The following PTPRN2 variants were observed in gnomAD, a reference collection of about 807,000 sequenced individuals.
PTPRN2 encodes the protein protein tyrosine phosphatase receptor type N2.
In PTPRN2, 74 loss-of-function variants were observed where a neutral mutation model predicts 118.8. The observed-to-expected ratio is 0.62, with a 90% CI of 0.52 to 0.76. The LOEUF is 0.76. PTPRN2 is among the 30% of genes least tolerant of loss of function. The pLI is 0.00. For synonymous variants in PTPRN2, 641 were observed against 608.0 expected, an observed-to-expected ratio of 1.05 and a Z score of -0.80; for missense variants, 1,481 against 1,394.4, an observed-to-expected ratio of 1.06 and a Z score of -0.99.
At chr7:157,588,720 C>A (rs972686003) in intron 17 of PTPRN2, among the ~76,000 whole-genome samples, 1 of 152,242 alleles carries the variant, frequency 6.6e-6, no homozygotes, top group Non-Finnish European at 1.5e-5. Context: ...GCCGAGGTCA[C>A]TGCTGCCGGA....
chr7:158,085,155 G>A (rs1468809163), intron 10 of PTPRN2, among the ~76,000 whole-genome samples: 4 of 83,868 alleles, frequency 4.8e-5, no homozygotes, highest in Non-Finnish European at 6.7e-5. Flanking sequence ...CCACACCCTC[G>A]ACGCCCATCC....
At chr7:158,452,698 G>C (rs1324963760) in intron 2 of PTPRN2, among the ~76,000 whole-genome samples, 2 of 152,224 alleles carry the variant, frequency 1.3e-5, no homozygotes, top group Non-Finnish European at 2.9e-5. Context: ...GGATGAGGAG[G>C]GAGACACAAA....
chr7:158,407,788 G>A (rs867147678), intron 2 of PTPRN2, among the ~76,000 whole-genome samples: 18 of 152,316 alleles, frequency 1.2e-4, no homozygotes, highest in Admixed American at 3.9e-4. Flanking sequence ...CCTGGAATCC[G>A]TCCTTGCCAC....
chr7:157,691,067 T>TC (rs1279163589), intron 12 of PTPRN2, among the ~76,000 whole-genome samples: 6,847 of 44,334 alleles, frequency 0.15, 1,586 homozygotes, highest in Non-Finnish European at 0.21. Flanking sequence ...TATAGCGATG[T>TC]CCCCCCCCCC....
chr7:158,340,905 G>A (rs1806623736), intron 2 of PTPRN2, among the ~76,000 whole-genome samples: 1 of 85,268 alleles, frequency 1.2e-5, no homozygotes, highest in African/African-American at 4.3e-5. Flanking sequence ...GACACCCGAA[G>A]TCAGTCACAC....
chr7:157,909,349 G>A (rs573246334), intron 11 of PTPRN2, among the ~76,000 whole-genome samples: 1 of 152,320 alleles, frequency 6.6e-6, no homozygotes, highest in Non-Finnish European at 1.5e-5. Flanking sequence ...CTGGCCTTGG[G>A]CCCCTCGACA....
intron 2 of PTPRN2, among the ~76,000 whole-genome samples, chr7:158,408,466 C>G (rs1031627640): frequency 7.2e-5 from 11 of 152,140 alleles, no homozygotes; most frequent in Non-Finnish European, 1.6e-4. Flanking sequence ...TGTGTATCAG[C>G]CCGGAGGTGG....
chr7:157,888,049 C>G (rs569024829), intron 12 of PTPRN2, among the ~76,000 whole-genome samples: 10 of 111,610 alleles, frequency 9.0e-5, no homozygotes, highest in African/African-American at 2.5e-4. Context: ...CTGAAACGCA[C>G]GCTGTCTTGG....
At chr7:158,547,405 C>T (rs958724968) in intron 1 of PTPRN2, among the ~76,000 whole-genome samples, 5 of 151,938 alleles carry the variant, frequency 3.3e-5, no homozygotes, top group East Asian at 1.9e-4. Flanking sequence ...CCCCAGCCCC[C>T]GGCAACACCA....
rs149044301 is a variant in PTPRN2 at position 158,432,629 on chromosome 7, T to C, written c.163+57106A>G. Among the ~76,000 whole-genome samples the C allele has an allele frequency of 1.5e-3, 228 of 152,318 alleles. 2 individuals carry two copies. Among genetic ancestry groups the C allele is most frequent in the Middle Eastern group, 6.8e-3 (2 of 294 alleles). On this transcript the variant is annotated intron_variant, in intron 2 of 22. Coordinates refer to ENST00000389418, the MANE Select transcript of PTPRN2 (RefSeq NM_002847.5). ...GCAAACAAACAACAGCTATTAGAAA[T>C]ATCACTTTACAAACTTTTTGTTGAG...
chr7:158,069,765 G>A (rs886682250), intron 11 of PTPRN2, among the ~76,000 whole-genome samples: 3 of 152,244 alleles, frequency 2.0e-5, no homozygotes, highest in African/African-American at 7.2e-5. Flanking sequence ...TTCGTGGGAT[G>A]CCCAGGCACG....
rs1379081683 is a variant in PTPRN2 at position 157,615,568 on chromosome 7, A to C, written c.2344+5794T>G. 1 of 471,126 alleles carries C rather than the reference A, an allele frequency of 2.1e-6. No individual in the cohort carries two copies. Among genetic ancestry groups the C allele is most frequent in the East Asian group, 6.9e-5 (1 of 14,408 alleles). 29.2% of individuals were successfully genotyped at this position (471,126 alleles called of 1,614,324 possible). On this transcript the variant is annotated intron_variant, in intron 15 of 22. Transcript: ENST00000389418. The surrounding 1 kb of genome is among the most constrained non-coding windows in gnomAD (Gnocchi z 4.3). ...TGGAAACAATCTCAGCCCTGGAACC[A>C]GCGCCTGGGAAGTCCCGCGGTGGAT...
chr7:157,970,636 ACC>A (rs10624378), intron 11 of PTPRN2, among the ~76,000 whole-genome samples: 2 of 111,538 alleles, frequency 1.8e-5, no homozygotes, highest in African/African-American at 3.5e-5. Flanking sequence ...CTCAGAGCGG[ACC>A]CCCCCCCCCA....
At position 158,133,612 on chromosome 7, in the gene PTPRN2, A is replaced by T. The variant is rs1008980875; in HGVS notation, c.1556+65T>A. On this transcript the variant is annotated intron_variant, in intron 9 of 22. Transcript: ENST00000389418. ...ATCCGCCACAGCAAGGAGGCGCCCC[A>T]CCTCCAGCCTGCTGGGACAAGCCCT... 73 of 1,501,232 alleles carry T rather than the reference A, an allele frequency of 4.9e-5. No individual in the cohort carries two copies. In the Admixed American group the frequency reaches 1.5e-3, roughly 32 times the overall value. The allele number at this position is 1,501,232 out of a possible 1,614,324, so 93.0% of individuals were successfully genotyped here.
chr7:158,146,482 G>A (rs528706919), intron 6 of PTPRN2, among the ~76,000 whole-genome samples: 1 of 152,172 alleles, frequency 6.6e-6, no homozygotes, highest in Non-Finnish European at 1.5e-5. Context: ...AGCACTTTGG[G>A]ACGCTGAGGC....
chr7:158,117,983 T>C (rs950392912), intron 9 of PTPRN2, among the ~76,000 whole-genome samples: 6 of 152,080 alleles, frequency 3.9e-5, no homozygotes, highest in African/African-American at 1.4e-4. Context: ...ATATAAAAAA[T>C]TAAAATCTCA....
At chr7:157,628,421 C>T (rs1164099561) in intron 14 of PTPRN2, among the ~76,000 whole-genome samples, 1 of 152,174 alleles carries the variant, frequency 6.6e-6, no homozygotes. Context: ...CACCCTGTCA[C>T]TCGCAGAGAT....
At position 157,861,315 on chromosome 7, in the gene PTPRN2, T is replaced by C. The variant is rs1810221417; in HGVS notation, c.1788+37358A>G. ...TCCGTGGGAGGATGAGAGGCCTGGA[T>C]TGCACCGGAAGCACCTCCGGCTGGA... On this transcript the variant is annotated intron_variant, in intron 12 of 22. Transcript: ENST00000389418. This position sits in a 1 kb window ranked among gnomAD's most constrained non-coding sequence, Gnocchi z 5.8. Among the ~76,000 whole-genome samples the C allele has an allele frequency of 6.6e-6, 1 of 152,194 alleles. No individual in the cohort carries two copies. The highest frequency in any genetic ancestry group is 6.5e-5 in the Admixed American group (1 of 15,280).
rs577579388 is a variant in PTPRN2 at position 157,611,752 on chromosome 7, C to T, written c.2345-7677G>A. Among the ~76,000 whole-genome samples, 4 of 150,418 alleles carry T rather than the reference C, an allele frequency of 2.7e-5. No homozygotes were observed. Among genetic ancestry groups the T allele is most frequent in the Admixed American group, 6.6e-5 (1 of 15,196 alleles). ...TGGGGACACGCGGAGGGAGCGCGCC[C>T]GTGTGAAGACGAAGACAGCCGCAGT... On this transcript the variant is annotated intron_variant, in intron 15 of 22. Coordinates refer to ENST00000389418, the MANE Select transcript of PTPRN2 (RefSeq NM_002847.5). The surrounding 1 kb of genome is among the most constrained non-coding windows in gnomAD (Gnocchi z 5.9).
Sources: gnomAD v4.1 joint callset for allele counts (sites outside exome capture counted in the v4.1 genomes callset) on GRCh38, gnomAD v4.1.1 for gene constraint, Gnocchi (gnomAD v3.1) non-coding constraint, MANE v1.5 for transcripts, NCBI Gene and HGNC (gene_info 2026-07-23, HGNC 2026-07-21) for gene names.